PSMA1: variants seen among roughly 807,000 people sequenced by gnomAD.
PSMA1 encodes the protein proteasome subunit alpha type-1.
A neutral mutation model predicts 38.4 loss-of-function variants in PSMA1; 3 were observed. The ratio of observed to expected loss-of-function variants is 0.08; its 90% CI spans 0.04 to 0.20. PSMA1 has a LOEUF of 0.20. Ranked by LOEUF, PSMA1 falls within the 10% of genes least tolerant of loss-of-function variation. PSMA1 has a pLI of 1.00. For synonymous variants in PSMA1, 101 were observed against 107.1 expected (o/e 0.94, Z 0.35); for missense variants, 227 against 325.3 (o/e 0.70, Z 2.32).
rs1258215005 is a variant in PSMA1 at position 14,534,684 on chromosome 11, G to A, written c.22-15643C>T. On this transcript the variant is annotated intron_variant, in intron 2 of 10. Coordinates refer to the PSMA1 transcript ENST00000418988. The surrounding 1 kb of genome is among the most constrained non-coding windows in gnomAD (Gnocchi z 4.5). Reference sequence around the variant, plus strand: ...TTTTCCCTTTCAATACTATCCATCTGGAGAAGGGAGAATATCCTGAGAATA... The same window carrying A: ...TTTTCCCTTTCAATACTATCCATCTAGAGAAGGGAGAATATCCTGAGAATA... Among the ~76,000 whole-genome samples the A allele has an allele frequency of 6.6e-6, 1 of 151,914 alleles. No homozygotes were observed. The highest frequency in any genetic ancestry group is 1.5e-5 in the Non-Finnish European group (1 of 67,990).
chr11:14,632,020 T>G (rs1438921313), intron 1 of PSMA1, among the ~76,000 whole-genome samples: 1 of 141,752 alleles, frequency 7.1e-6, no homozygotes, highest in Non-Finnish European at 1.5e-5. Context: ...ATTGGCTTGG[T>G]AGATCTTCCT....
chr11:14,547,549 A>G (rs901294222), intron 2 of PSMA1, among the ~76,000 whole-genome samples: 2 of 152,178 alleles, frequency 1.3e-5, no homozygotes, highest in African/African-American at 4.8e-5. Flanking sequence ...TAAAAAATGG[A>G]TAGGAACTGG....
At chr11:14,641,629 A>G (rs1022437597) in intron 1 of PSMA1, among the ~76,000 whole-genome samples, 2 of 152,228 alleles carry the variant, frequency 1.3e-5, no homozygotes, top group Non-Finnish European at 2.9e-5. Context: ...CCTGAATGAC[A>G]GCTAAAAGGC....
chr11:14,642,746 G>T (rs1853231365), intron 1 of PSMA1, among the ~76,000 whole-genome samples: 1 of 152,194 alleles, frequency 6.6e-6, no homozygotes, highest in Non-Finnish European at 1.5e-5. Context: ...TTCCAGAGCA[G>T]TCCCTTTGGT....
intron 7 of PSMA1, among the ~76,000 whole-genome samples, chr11:14,511,516 A>C (rs942397856): frequency 2.8e-5 from 2 of 71,100 alleles, no homozygotes; most frequent in Non-Finnish European, 3.9e-5. Context: ...ACTGAAAGTC[A>C]GTGTAATTTT....
chr11:14,510,784 G>C (rs1213889229), intron 8 of PSMA1, 88 bp downstream of exon 8: 5 of 806,044 alleles, frequency 6.2e-6, no homozygotes, highest in East Asian at 3.0e-5. Context: ...CCAAATTACA[G>C]AATGTTGCAT....
rs573709959 is a variant in PSMA1 at position 14,617,304 on chromosome 11, C to T, written c.-165-6153G>A. The stretch of plus-strand genomic sequence containing the variant: ...GGATATTTCCCCCAATGTAGCATCC[C>T]TATATTTATTACTGTTAATTTCTTT... On this transcript the variant is annotated intron_variant, in intron 1 of 10. Transcript: ENST00000418988. 2.6e-4 allele frequency among the ~76,000 whole-genome samples: 39 copies of T among 152,268 alleles called. No individual in the cohort carries two copies. The South Asian group carries it at 5.6e-3, about 22-fold the overall frequency.
At chr11:14,505,684 T>G (rs963098055) in intron 9 of PSMA1, among the ~76,000 whole-genome samples, 3 of 152,064 alleles carry the variant, frequency 2.0e-5, no homozygotes, top group Non-Finnish European at 4.4e-5. Flanking sequence ...AAGTTAGGTA[T>G]GCCGAATGCA....
At chr11:14,516,548 C>G (rs1851433240) in intron 4 of PSMA1, among the ~76,000 whole-genome samples, 1 of 152,214 alleles carries the variant, frequency 6.6e-6, no homozygotes, top group African/African-American at 2.4e-5. Flanking sequence ...TTAGTTTTAG[C>G]TAACTACCTG....
intron 1 of PSMA1, among the ~76,000 whole-genome samples, chr11:14,629,212 T>G (rs902192591): frequency 4.6e-5 from 7 of 152,186 alleles, no homozygotes; most frequent in Non-Finnish European, 1.0e-4. Flanking sequence ...TTGCCATTGC[T>G]TTTGGTGTTT....
chr11:14,577,893 T>C lies in PSMA1; in HGVS notation c.21+33073A>G, dbSNP rs928447257. 1.4e-4 allele frequency among the ~76,000 whole-genome samples: 21 copies of C among 152,240 alleles called. 1 individual carries two copies. The highest frequency in any genetic ancestry group is 1.4e-3 in the Admixed American group (21 of 15,286). On this transcript the variant is annotated intron_variant, in intron 2 of 10. Transcript: ENST00000418988. Reference sequence around the variant, plus strand: ...CAAAAAAATCCATGCCTAACTCATGTTCCAAATATTTGTTTATCTGTTTGT... The same window carrying C: ...CAAAAAAATCCATGCCTAACTCATGCTCCAAATATTTGTTTATCTGTTTGT...
upstream of PSMA1, among the ~76,000 whole-genome samples, chr11:14,524,179 A>G (rs1851562415): frequency 6.6e-6 from 1 of 151,570 alleles, no homozygotes; most frequent in Admixed American, 6.6e-5. Flanking sequence ...AAGGAAGGAA[A>G]GAAAATTAGC....
intron 2 of PSMA1, among the ~76,000 whole-genome samples, chr11:14,601,054 C>A (rs977913623): frequency 8.5e-5 from 13 of 152,096 alleles, no homozygotes; most frequent in Non-Finnish European, 1.5e-4. Context: ...CAGTAAATAG[C>A]ATTATGTCAT....
intron 1 of PSMA1, among the ~76,000 whole-genome samples, chr11:14,626,799 C>T (rs1026349871): frequency 1.3e-5 from 2 of 152,116 alleles, no homozygotes; most frequent in African/African-American, 4.8e-5. Context: ...TAGGACAGCT[C>T]CTGATATATG....
upstream of PSMA1, among the ~76,000 whole-genome samples, chr11:14,525,015 C>T (rs897916002): frequency 2.0e-5 from 3 of 152,118 alleles, no homozygotes; most frequent in East Asian, 1.9e-4. Flanking sequence ...AGGGTAAGTC[C>T]GTCTCCTTCT....
At chr11:14,634,287 G>T (rs547342062) in intron 1 of PSMA1, among the ~76,000 whole-genome samples, 1 of 152,266 alleles carries the variant, frequency 6.6e-6, no homozygotes, top group East Asian at 1.9e-4. Flanking sequence ...TTGTATTACA[G>T]TTATTTGTGT....
intron 1 of PSMA1, among the ~76,000 whole-genome samples, chr11:14,637,327 T>C (rs1404874263): frequency 2.0e-5 from 3 of 152,252 alleles, no homozygotes; most frequent in Admixed American, 1.3e-4. Context: ...CCTAGGTTAG[T>C]ATCTCTTCAT....
In PSMA1 at chr11:14,580,916, G is replaced by A. The variant is rs182763683; in HGVS notation, c.21+30050C>T. Reference sequence around the variant, plus strand: ...GCATGGAAACTACTGAAGTGGAATCGTGTTGGGATTCCCCTTAATACCAGT... The same window carrying A: ...GCATGGAAACTACTGAAGTGGAATCATGTTGGGATTCCCCTTAATACCAGT... On this transcript the variant is annotated intron_variant, in intron 2 of 10. Transcript: ENST00000418988. 2.0e-3 allele frequency among the ~76,000 whole-genome samples: 312 copies of A among 152,318 alleles called. 8 individuals are homozygous for A. The highest frequency in any genetic ancestry group is 3.4e-3 in the Middle Eastern group (1 of 294).
chr11:14,566,826 A>G (rs1852077875), intron 2 of PSMA1, among the ~76,000 whole-genome samples: 1 of 152,198 alleles, frequency 6.6e-6, no homozygotes, highest in Non-Finnish European at 1.5e-5. Flanking sequence ...GAATAACAAC[A>G]TAAATGATAG....
Sources: gnomAD v4.1 joint callset for allele counts (sites outside exome capture counted in the v4.1 genomes callset) on GRCh38, gnomAD v4.1.1 for gene constraint, Gnocchi (gnomAD v3.1) non-coding constraint, MANE v1.5 for transcripts, NCBI Gene and HGNC (gene_info 2026-07-23, HGNC 2026-07-21) for gene names.